Variants in RNF8 observed in about 807,000 individuals in gnomAD.
The protein encoded by RNF8 is ring finger protein 8.
In RNF8, 8 loss-of-function variants were observed where a neutral mutation model predicts 59.3. The ratio of observed to expected loss-of-function variants is 0.13; its 90% CI spans 0.08 to 0.24. The LOEUF (loss-of-function observed/expected upper bound fraction) is 0.24. RNF8 is among the 10% of genes least tolerant of loss of function. The probability of loss-of-function intolerance (pLI) is 1.00; values close to 1 mark genes in which losing one functional copy is unlikely to be tolerated. For missense variants in RNF8, 406 were observed against 572.6 expected (o/e 0.71, Z 2.97); for synonymous variants, 162 against 200.0 (o/e 0.81, Z 1.60).
Position 37,377,047 on chromosome 6 carries a change from G to GT in RNF8, c.1236+16dup. ...TACTTCATTGAGGTAATTATGAACA[G>GT]TTGCTCACCCCTTCTTTTTTTTTTT... On this transcript the variant is annotated intron_variant, in intron 6 of 7. Transcript: ENST00000373479. 1.7e-6 allele frequency: 1 copy of GT among 572,474 alleles called. No individual in the cohort carries two copies. The highest frequency in any genetic ancestry group is 3.3e-6 in the Non-Finnish European group (1 of 304,718). 35.5% of individuals were successfully genotyped at this position (572,474 alleles called of 1,614,324 possible). A position where few individuals can be genotyped will look rare whatever the true frequency, so the allele number is the denominator to read the frequency against.
chr6:37,361,280 A>G (rs555336894), intron 2 of RNF8: 6 of 454,706 alleles, frequency 1.3e-5, no homozygotes, highest in South Asian at 6.2e-5. Flanking sequence ...ATAGTGTGCT[A>G]TGCCATTCTG....
chr6:37,384,129 C>CTAT (rs1770394357), intron 7 of RNF8, among the ~76,000 whole-genome samples: 2 of 139,594 alleles, frequency 1.4e-5, no homozygotes. Flanking sequence ...TCCCTTGCTA[C>CTAT]TATTTTTTTT....
At chr6:37,361,077 A>G (rs904984445) in intron 2 of RNF8, 1 of 353,036 alleles carries the variant, frequency 2.8e-6, no homozygotes, top group African/African-American at 2.2e-5. Flanking sequence ...CCTTTGAATA[A>G]TGGGTTTTTC....
rs758097620 is a variant in RNF8 at position 37,369,202 on chromosome 6, A to G, written c.959A>G (p.Glu320Gly). 1.6e-5 allele frequency: 26 copies of G among 1,610,942 alleles called. No homozygotes were observed. Among genetic ancestry groups the G allele is most frequent in the Non-Finnish European group, 2.0e-5 (24 of 1,178,604 alleles). ...VEQLEKTFQEEEQHLQGLEIA... is the reference protein window; with the variant it reads ...VEQLEKTFQEGEQHLQGLEIA... Reference sequence around the variant, plus strand: ...CAACTAGAGAAGACTTTCCAGGAAGAGGAACAGCATCTTCAGGTACCACAC... The same window carrying G: ...CAACTAGAGAAGACTTTCCAGGAAGGGGAACAGCATCTTCAGGTACCACAC... Residue 320 changes from glutamate (E) to glycine (G), a missense_variant, in exon 3 of 8, where the codon GAG becomes GGG. Coordinates refer to ENST00000373479, the MANE Select transcript of RNF8 (RefSeq NM_003958.4).
intron 6 of RNF8, among the ~76,000 whole-genome samples, chr6:37,379,735 ATTTTAC>A (rs1770174436): frequency 1.3e-5 from 2 of 151,966 alleles, no homozygotes; most frequent in Admixed American, 1.3e-4. Flanking sequence ...CTTCTATATT[ATTTTAC>A]TTTTTTAGTT....
chr6:37,363,743 T>C (rs544492407), intron 2 of RNF8, among the ~76,000 whole-genome samples: 1 of 152,344 alleles, frequency 6.6e-6, no homozygotes, highest in South Asian at 2.1e-4. Flanking sequence ...TGACACAGTA[T>C]TTTCACTCCC....
chr6:37,373,880 C>A (rs953363119), intron 4 of RNF8, among the ~76,000 whole-genome samples: 17 of 152,164 alleles, frequency 1.1e-4, no homozygotes, highest in Non-Finnish European at 2.4e-4. Context: ...CTTTACTCCA[C>A]CTTCTTTTAA....
chr6:37,359,022 G>A (rs141664846), intron 1 of RNF8, among the ~76,000 whole-genome samples: 3,111 of 152,206 alleles, frequency 0.02, 69 homozygotes, highest in East Asian at 0.057. Flanking sequence ...CTTGAACCCG[G>A]GAGGCAGAGG....
chr6:37,392,304 A>G lies in RNF8; in HGVS notation c.*1546A>G, dbSNP rs1421483679. Reference sequence around the variant, plus strand: ...TGCATGGGTATATGTCAATTTTTATATGTTCTGTGTTTAGTTTACATATTG... The same window carrying G: ...TGCATGGGTATATGTCAATTTTTATGTGTTCTGTGTTTAGTTTACATATTG... On this transcript the variant is annotated 3_prime_UTR_variant, in exon 8 of 8. Transcript: ENST00000373479. The G allele has an allele frequency of 2.5e-6, 1 of 397,114 alleles. No homozygotes were observed. The highest frequency in any genetic ancestry group is 4.4e-5 in the Admixed American group (1 of 22,712). 24.6% of individuals were successfully genotyped at this position (397,114 alleles called of 1,614,324 possible). A position where few individuals can be genotyped will look rare whatever the true frequency, so the allele number is the denominator to read the frequency against.
At position 37,390,934 on chromosome 6, in the gene RNF8, C is replaced by T; in HGVS notation, c.*176C>T. On this transcript the variant is annotated 3_prime_UTR_variant, in exon 8 of 8. Transcript: ENST00000373479. The stretch of plus-strand genomic sequence containing the variant: ...TTGCCTTCCACGGTGGCCAGCCCTG[C>T]TGCCATCATTGGCTGAAGCACCACC... 9.8e-7 allele frequency: 1 copy of T among 1,017,684 alleles called. No homozygotes were observed. The highest frequency in any genetic ancestry group is 1.5e-6 in the Non-Finnish European group (1 of 651,938). 63.0% of individuals were successfully genotyped at this position (1,017,684 alleles called of 1,614,324 possible).
At chr6:37,367,940 C>T (rs1769631979) in intron 2 of RNF8, among the ~76,000 whole-genome samples, 1 of 152,158 alleles carries the variant, frequency 6.6e-6, no homozygotes, top group African/African-American at 2.4e-5. Context: ...TGCCCATATA[C>T]CCCTGTTGAT....
At chr6:37,359,111 T>A in intron 1 of RNF8, 2 of 409,126 alleles carry the variant, frequency 4.9e-6, no homozygotes, top group South Asian at 3.6e-5. Context: ...CAAAAAAAAA[T>A]TAACAAACAA....
At chr6:37,381,376 T>C in intron 7 of RNF8, 22 bp downstream of exon 7, 1 of 1,599,126 alleles carries the variant, frequency 6.3e-7, no homozygotes, top group Non-Finnish European at 8.6e-7. Context: ...TGAGAATTCC[T>C]ACCCCTCAAG....
intron 6 of RNF8, among the ~76,000 whole-genome samples, chr6:37,379,100 T>G (rs952602446): frequency 6.6e-6 from 1 of 152,132 alleles, no homozygotes; most frequent in Non-Finnish European, 1.5e-5. Context: ...CACTGCAGCC[T>G]CCTCCTCTTG....
chr6:37,355,424 T>A (rs141651030), intron 1 of RNF8, among the ~76,000 whole-genome samples: 2,240 of 152,354 alleles, frequency 0.015, 26 homozygotes, highest in Non-Finnish European at 0.023. Context: ...TTTAACATTG[T>A]TTGGTGTACA....
At position 37,354,117 on chromosome 6, in the gene RNF8, A is replaced by G; in HGVS notation, c.-48A>G. The G allele has an allele frequency of 6.8e-7, 1 of 1,467,294 alleles. No homozygotes were observed. The highest frequency in any genetic ancestry group is 9.3e-7 in the Non-Finnish European group (1 of 1,070,010). 90.9% of individuals were successfully genotyped at this position (1,467,294 alleles called of 1,614,324 possible). ...GGATGCACAGAGGCAGCCAGAACCT[A>G]GGTCAGGGTCTCGCTCGGTGCTGAC... On this transcript the variant is annotated 5_prime_UTR_variant, in exon 1 of 8. Transcript: ENST00000373479.
At chr6:37,357,908 C>T (rs769580932) in intron 1 of RNF8, among the ~76,000 whole-genome samples, 12 of 152,152 alleles carry the variant, frequency 7.9e-5, no homozygotes, top group Non-Finnish European at 1.6e-4. Flanking sequence ...CAGATAAAGT[C>T]CCTGCTTATC....
At chr6:37,376,322 A>G (rs1477237788) in intron 5 of RNF8, among the ~76,000 whole-genome samples, 1 of 152,190 alleles carries the variant, frequency 6.6e-6, no homozygotes, top group East Asian at 1.9e-4. Context: ...AGAATTTGCA[A>G]TGCAAATACT....
intron 1 of RNF8, 108 bp downstream of exon 1, chr6:37,354,383 C>A: frequency 3.7e-6 from 3 of 801,426 alleles, no homozygotes; most frequent in Non-Finnish European, 5.5e-6. Context: ...AGAGAGGAGG[C>A]GGGCATCAGG....
Sources: allele counts gnomAD v4.1 joint callset (sites outside exome capture counted in the v4.1 genomes callset), GRCh38; gene constraint gnomAD v4.1.1; transcripts MANE v1.5; gene names NCBI Gene and HGNC (gene_info 2026-07-23, HGNC 2026-07-21).